Variants in JAKMIP3 observed in about 807,000 individuals in gnomAD.
The protein encoded by JAKMIP3 is janus kinase and microtubule-interacting protein 3.
JAKMIP3 carries 58 observed loss-of-function variants against 118.5 expected under a neutral mutation model. The ratio of observed to expected loss-of-function variants is 0.49; its 90% CI spans 0.40 to 0.61. The LOEUF (loss-of-function observed/expected upper bound fraction) is 0.61, where lower values mean the gene tolerates loss of function less well. JAKMIP3 is among the 20% of genes least tolerant of loss of function. JAKMIP3 has a pLI of 0.00. For synonymous variants in JAKMIP3, 486 were observed against 451.2 expected (o/e 1.08, Z -0.98); for missense variants, 950 against 1,109.0 (o/e 0.86, Z 2.04).
intron 5 of JAKMIP3, 111 bp from the exon 6 acceptor site, chr10:132,135,819 C>T: frequency 8.4e-7 from 1 of 1,193,708 alleles, no homozygotes; most frequent in Non-Finnish European, 1.2e-6. Flanking sequence ...AAGTAGAGGG[C>T]TGGGGACTGC....
At chr10:132,066,713 CTTA>C (rs2038848103) in intron 1 of JAKMIP3, among the ~76,000 whole-genome samples, 1 of 152,196 alleles carries the variant, frequency 6.6e-6, no homozygotes, top group Non-Finnish European at 1.5e-5. Context: ...GAAACAACAG[CTTA>C]TTAACTTACT....
intron 16 of JAKMIP3, among the ~76,000 whole-genome samples, chr10:132,151,188 A>G (rs2056127185): frequency 6.6e-6 from 1 of 151,618 alleles, no homozygotes; most frequent in Admixed American, 6.6e-5. Context: ...ACCCTCCATA[A>G]TTTATCTATG....
chr10:132,038,810 A>T (rs7099543), intron 1 of JAKMIP3, among the ~76,000 whole-genome samples: 5 of 139,024 alleles, frequency 3.6e-5, no homozygotes, highest in Non-Finnish European at 6.3e-5. Flanking sequence ...AAAAAAAAAA[A>T]CCATCATAAA....
chr10:132,156,703 TG>T (rs1387986253), intron 19 of JAKMIP3, among the ~76,000 whole-genome samples: 1 of 152,204 alleles, frequency 6.6e-6, no homozygotes, highest in Non-Finnish European at 1.5e-5. Context: ...CATGTGCATC[TG>T]CTGCCATCTG....
intron 3 of JAKMIP3, among the ~76,000 whole-genome samples, chr10:132,128,549 G>T (rs1467753473): frequency 6.6e-6 from 1 of 152,028 alleles, no homozygotes; most frequent in Non-Finnish European, 1.5e-5. Flanking sequence ...TAGACACTTT[G>T]ACTATACCTT....
upstream of JAKMIP3, among the ~76,000 whole-genome samples, chr10:132,061,692 C>T (rs564862650): frequency 8.3e-4 from 127 of 152,228 alleles, 2 homozygotes; most frequent in Non-Finnish European, 9.6e-4. Flanking sequence ...GGGCTCTCGA[C>T]GAGGAAGGGT....
chr10:132,141,052 C>T (rs2053413336), intron 10 of JAKMIP3, among the ~76,000 whole-genome samples: 2 of 152,222 alleles, frequency 1.3e-5, no homozygotes, highest in African/African-American at 2.4e-5. Flanking sequence ...CCCCTTCTTC[C>T]AGAAGGACGG....
chr10:132,046,736 G>T (rs373140601), intron 1 of JAKMIP3, among the ~76,000 whole-genome samples: 1 of 152,286 alleles, frequency 6.6e-6, no homozygotes, highest in Non-Finnish European at 1.5e-5. Context: ...CCTTCACCCA[G>T]GTTCTCCTAA....
chr10:132,159,796 G>GC (rs2057782260), intron 19 of JAKMIP3, among the ~76,000 whole-genome samples: 2 of 52,782 alleles, frequency 3.8e-5, no homozygotes, highest in Non-Finnish European at 3.6e-5. Flanking sequence ...TGTGATGCTG[G>GC]GGGGCCTCTC....
At chr10:132,174,192 G>A (rs1028683820) in intron 23 of JAKMIP3, among the ~76,000 whole-genome samples, 15 of 151,456 alleles carry the variant, frequency 9.9e-5, no homozygotes, top group African/African-American at 3.2e-4. Context: ...AACACAGACC[G>A]TCCCATCCCC....
At chr10:132,180,692 C>CGTGTGT (rs1208561730) in intron 23 of JAKMIP3, among the ~76,000 whole-genome samples, 1 of 11,272 alleles carries the variant, frequency 8.9e-5, no homozygotes, top group African/African-American at 3.8e-4. Context: ...CGTGTGTGTG[C>CGTGTGT]GTGCGTGTGT....
At chr10:132,050,638 G>GC (rs974959885) in intron 1 of JAKMIP3, among the ~76,000 whole-genome samples, 1 of 152,074 alleles carries the variant, frequency 6.6e-6, no homozygotes, top group Non-Finnish European at 1.5e-5. Flanking sequence ...GGAGATTTGG[G>GC]GGGGGTTGAT....
intron 3 of JAKMIP3, among the ~76,000 whole-genome samples, chr10:132,130,236 T>C (rs1379766722): frequency 5.9e-5 from 9 of 152,184 alleles, no homozygotes; most frequent in Admixed American, 2.6e-4. Flanking sequence ...CTGTATCTCA[T>C]CTGTGTATTT....
chr10:132,054,162 C>T (rs952888396), intron 1 of JAKMIP3, among the ~76,000 whole-genome samples: 1 of 151,886 alleles, frequency 6.6e-6, no homozygotes, highest in Non-Finnish European at 1.5e-5. Flanking sequence ...TTTGCATGAA[C>T]TTGGAAGAGG....
intron 2 of JAKMIP3, among the ~76,000 whole-genome samples, chr10:132,106,122 C>T (rs116595333): frequency 0.017 from 2,524 of 152,134 alleles, 84 homozygotes; most frequent in African/African-American, 0.057. Context: ...ATAGCTTGAG[C>T]CCAGGAGTTC....
Position 132,163,297 on chromosome 10 carries a change from G to C in JAKMIP3, c.2309G>C (p.Arg770Pro). 1 of 1,604,330 alleles carries C rather than the reference G, an allele frequency of 6.2e-7. No individual in the cohort carries two copies. Among genetic ancestry groups the C allele is most frequent in the Non-Finnish European group, 8.5e-7 (1 of 1,176,642 alleles). ...GCTGAGCTGCTGTCAGAGGAGGAGC[G>C]CGAGAAGCTCAAGGTGGCCGTGGAG... ...KVAELLSEEE[R>P]EKLKVAVEQW... Residue 770 changes from arginine (R) to proline (P), a missense_variant, in exon 20 of 24, where the codon CGC becomes CCC. Physicochemically the swap from Arg to Pro is moderately radical, Grantham distance 103. Coordinates refer to ENST00000684848, the MANE Select transcript of JAKMIP3 (RefSeq NM_001323087.2).
chr10:132,107,359 C>T (rs902328188), intron 2 of JAKMIP3, among the ~76,000 whole-genome samples: 6 of 152,212 alleles, frequency 3.9e-5, no homozygotes, highest in African/African-American at 1.4e-4. Flanking sequence ...TGATGGTCAA[C>T]AGGCCAGGCT....
intron 1 of JAKMIP3, among the ~76,000 whole-genome samples, chr10:132,082,900 G>A (rs1482730908): frequency 2.6e-5 from 4 of 152,204 alleles, no homozygotes; most frequent in South Asian, 4.1e-4. Flanking sequence ...GAACCACCGC[G>A]CCCGGCCTAT....
At chr10:132,110,789 G>A (rs2046739997) in intron 2 of JAKMIP3, among the ~76,000 whole-genome samples, 1 of 152,260 alleles carries the variant, frequency 6.6e-6, no homozygotes, top group Non-Finnish European at 1.5e-5. Flanking sequence ...TCCCAGTGAA[G>A]AAGGGGAGGG....
Sources: gnomAD v4.1 joint callset for allele counts (sites outside exome capture counted in the v4.1 genomes callset) on GRCh38, gnomAD v4.1.1 for gene constraint, MANE v1.5 for transcripts, NCBI Gene and HGNC (gene_info 2026-07-23, HGNC 2026-07-21) for gene names.